The following FAF1 variants were observed in gnomAD, a reference collection of about 807,000 sequenced individuals.
FAF1 encodes the protein FAS-associated factor 1.
A neutral mutation model predicts 92.5 loss-of-function variants in FAF1; 25 were observed. That is an observed-to-expected ratio of 0.27 (90% CI 0.20 to 0.38). The LOEUF is 0.38. FAF1 is among the 10% of genes least tolerant of loss of function. The pLI is 1.00. For synonymous variants in FAF1, 234 were observed against 273.2 expected, an observed-to-expected ratio of 0.86 and a Z score of 1.42; for missense variants, 636 against 793.3, an observed-to-expected ratio of 0.80 and a Z score of 2.38.
chr1:50,535,568 A>C (rs983714717), intron 14 of FAF1, 111 bp from the exon 15 acceptor site: 58 of 571,324 alleles, frequency 1.0e-4, no homozygotes, highest in Non-Finnish European at 3.6e-5. Flanking sequence ...GAAAGGAATA[A>C]TCAGTCTAAA....
intron 2 of FAF1, among the ~76,000 whole-genome samples, chr1:50,853,529 A>G (rs943893358): frequency 6.6e-6 from 1 of 152,142 alleles, no homozygotes; most frequent in African/African-American, 2.4e-5. Context: ...CAAAACAGCA[A>G]TGTCAGCACA....
chr1:50,527,836 TCTCTCTCC>T (rs1179095436), intron 15 of FAF1, among the ~76,000 whole-genome samples: 98 of 87,420 alleles, frequency 1.1e-3, no homozygotes, highest in African/African-American at 4.4e-3. Context: ...TCTCTCTCTC[TCTCTCTCC>T]CTCTCTCCCT....
At chr1:50,854,698 G>A (rs1381730335) in intron 2 of FAF1, among the ~76,000 whole-genome samples, 1 of 151,918 alleles carries the variant, frequency 6.6e-6, no homozygotes, top group African/African-American at 2.4e-5. Flanking sequence ...CTGGGAAAGT[G>A]ACTAATAATC....
intron 7 of FAF1, among the ~76,000 whole-genome samples, chr1:50,704,290 A>T (rs1249346005): frequency 6.6e-6 from 1 of 152,126 alleles, no homozygotes; most frequent in Middle Eastern, 3.2e-3. Flanking sequence ...GGGGGTTGAG[A>T]GGGTGGCAGC....
chr1:50,659,983 T>C (rs974030219), intron 7 of FAF1, among the ~76,000 whole-genome samples: 1 of 152,212 alleles, frequency 6.6e-6, no homozygotes, highest in African/African-American at 2.4e-5. Context: ...TGTGAAAAAC[T>C]AAGTAATAAT....
intron 7 of FAF1, among the ~76,000 whole-genome samples, chr1:50,661,188 A>T (rs575729225): frequency 6.6e-6 from 1 of 152,260 alleles, no homozygotes; most frequent in East Asian, 1.9e-4. Context: ...AAAAACACTA[A>T]TATTTTCCCC....
intron 8 of FAF1, among the ~76,000 whole-genome samples, chr1:50,603,817 C>G (rs1652257040): frequency 6.6e-6 from 1 of 152,104 alleles, no homozygotes; most frequent in Non-Finnish European, 1.5e-5. Flanking sequence ...AAAAAGCACA[C>G]TGTTAAAAAG....
chr1:50,441,617 C>T lies in FAF1; in HGVS notation c.1870-94G>A, dbSNP rs966820102. ...TTATCTATGCACACTGATTCTGAAACTATGCACTGGCACGAAGAGTCTCGC... is the reference window on the plus strand; with the variant it reads ...TTATCTATGCACACTGATTCTGAAATTATGCACTGGCACGAAGAGTCTCGC... On this transcript the variant is annotated intron_variant, in intron 18 of 18. Coordinates refer to ENST00000396153, the MANE Select transcript of FAF1 (RefSeq NM_007051.3). 5.1e-6 allele frequency: 3 copies of T among 592,688 alleles called. No individual in the cohort carries two copies. In the Admixed American group the frequency reaches 1.0e-4, roughly 20 times the overall value. 36.7% of individuals were successfully genotyped at this position (592,688 alleles called of 1,614,324 possible).
intron 1 of FAF1, among the ~76,000 whole-genome samples, chr1:50,911,500 A>G (rs1644885342): frequency 6.7e-6 from 1 of 150,316 alleles, no homozygotes. Flanking sequence ...GTTTGAGACC[A>G]GTCCGGCCAA....
At chr1:50,549,767 T>C (rs2149045639) in intron 13 of FAF1, among the ~76,000 whole-genome samples, 1 of 151,880 alleles carries the variant, frequency 6.6e-6, no homozygotes, top group East Asian at 2.0e-4. Context: ...ACAGAGAGAC[T>C]CCATCTCAAA....
At chr1:50,786,227 T>C (rs1048411925) in intron 4 of FAF1, among the ~76,000 whole-genome samples, 6 of 152,160 alleles carry the variant, frequency 3.9e-5, no homozygotes, top group Admixed American at 3.9e-4. Context: ...ATGATGTTAA[T>C]GACTAAAAAA....
intron 2 of FAF1, among the ~76,000 whole-genome samples, chr1:50,850,117 T>C (rs1239709961): frequency 6.8e-6 from 1 of 148,012 alleles, no homozygotes; most frequent in Non-Finnish European, 1.5e-5. Flanking sequence ...CCTGAAGGGT[T>C]AGGAGCTACG....
intron 4 of FAF1, among the ~76,000 whole-genome samples, chr1:50,777,324 G>A (rs1309088866): frequency 6.6e-6 from 1 of 151,870 alleles, no homozygotes; most frequent in African/African-American, 2.4e-5. Context: ...AAGCTGAGGT[G>A]GGTGGGAGGA....
chr1:50,806,068 A>C (rs1039258242), intron 2 of FAF1, among the ~76,000 whole-genome samples: 1 of 152,214 alleles, frequency 6.6e-6, no homozygotes, highest in African/African-American at 2.4e-5. Flanking sequence ...TACCATTAAG[A>C]AAATAAAAAG....
intron 15 of FAF1, among the ~76,000 whole-genome samples, chr1:50,524,508 A>C (rs1051438649): frequency 4.6e-5 from 7 of 152,102 alleles, no homozygotes; most frequent in African/African-American, 1.7e-4. Context: ...TAGGGTTTTT[A>C]TAGTTTTGGG....
chr1:50,699,172 C>T (rs1657361924), intron 7 of FAF1, among the ~76,000 whole-genome samples: 1 of 151,946 alleles, frequency 6.6e-6, no homozygotes, highest in Admixed American at 6.6e-5. Context: ...AAATTTAGAA[C>T]TACAAAAACA....
intron 5 of FAF1, among the ~76,000 whole-genome samples, chr1:50,739,357 CATGTGT>C (rs1659285486): frequency 2.0e-5 from 3 of 151,650 alleles, no homozygotes; most frequent in Admixed American, 6.6e-5. Flanking sequence ...TACATGTGTA[CATGTGT>C]ACACGTACAT....
chr1:50,801,693 A>G lies in FAF1; in HGVS notation c.115-16T>C. The G allele has an allele frequency of 6.5e-7, 1 of 1,548,188 alleles. No homozygotes were observed. The highest frequency in any genetic ancestry group is 8.9e-7 in the Non-Finnish European group (1 of 1,120,740). The stretch of plus-strand genomic sequence containing the variant: ...TGATAGCTGCCTGCAAACAAGAAAC[A>G]GAGAAGGCCATTTAAAGAAACAGAT... On this transcript the variant is annotated splice_polypyrimidine_tract_variant and intron_variant, in intron 2 of 18. Transcript: ENST00000396153.
At chr1:50,639,319 G>A (rs1654209919) in intron 8 of FAF1, among the ~76,000 whole-genome samples, 1 of 152,190 alleles carries the variant, frequency 6.6e-6, no homozygotes, top group Non-Finnish European at 1.5e-5. Context: ...TATAAGAGTT[G>A]AGATTGTATG....
Sources: allele counts gnomAD v4.1 joint callset (sites outside exome capture counted in the v4.1 genomes callset), GRCh38; gene constraint gnomAD v4.1.1; transcripts MANE v1.5; gene names NCBI Gene and HGNC (gene_info 2026-07-23, HGNC 2026-07-21).